The following ADGRL2 variants were observed in gnomAD, a reference collection of about 807,000 sequenced individuals.
ADGRL2 encodes adhesion G protein-coupled receptor L2.
In ADGRL2, 44 loss-of-function variants were observed where a neutral mutation model predicts 157.4. That is an observed-to-expected ratio of 0.28 (90% CI 0.22 to 0.36). The LOEUF is 0.36. Ranked by LOEUF, ADGRL2 falls within the 10% of genes least tolerant of loss-of-function variation. The pLI is 1.00. For missense variants in ADGRL2, 1,510 were observed against 1,768.9 expected, an observed-to-expected ratio of 0.85 and a Z score of 2.63; for synonymous variants, 585 against 624.7, an observed-to-expected ratio of 0.94 and a Z score of 0.95.
At chr1:81,644,979 G>A (rs2148817073) in intron 3 of ADGRL2, among the ~76,000 whole-genome samples, 1 of 152,254 alleles carries the variant, frequency 6.6e-6, no homozygotes, top group South Asian at 2.1e-4. Flanking sequence ...ATATGATGTA[G>A]TCCATTGATT....
chr1:81,637,188 T>C (rs552935287), intron 3 of ADGRL2, among the ~76,000 whole-genome samples: 3 of 152,220 alleles, frequency 2.0e-5, no homozygotes, highest in South Asian at 2.1e-4. Flanking sequence ...CCAAAAGGAA[T>C]AGGATGGTAT....
chr1:81,427,154 GGTTGCGGAGGAAA>G, intron 1 of ADGRL2: 1 of 1,121,908 alleles, frequency 8.9e-7, no homozygotes. Context: ...CAATTTTATG[GGTTGCGGAGGAAA>G]CTTTCGAGGT....
intron 2 of ADGRL2, among the ~76,000 whole-genome samples, chr1:81,569,309 A>G (rs2080633304): frequency 6.6e-6 from 1 of 152,230 alleles, no homozygotes; most frequent in African/African-American, 2.4e-5. Context: ...AATATACCCA[A>G]GGTCACACAT....
At chr1:81,800,180 T>C (rs1184102264), upstream of ADGRL2, among the ~76,000 whole-genome samples, 1 of 152,190 alleles carries the variant, frequency 6.6e-6, no homozygotes, top group African/African-American at 2.4e-5. Context: ...TTCCTTTGCT[T>C]ATCCTGGTGA....
In ADGRL2 at chr1:81,805,847, T is replaced by A. The variant is rs150435337; in HGVS notation, c.-101+4779T>A. The stretch of plus-strand genomic sequence containing the variant: ...AGAAAACAACATTATCCTTTACAGC[T>A]ATTAGTGATAATCTAAAAATTGTCT... On this transcript the variant is annotated intron_variant, in intron 1 of 23. Transcript: ENST00000686636. 3.1e-3 allele frequency among the ~76,000 whole-genome samples: 476 copies of A among 152,212 alleles called. 2 individuals carry two copies. Among genetic ancestry groups the A allele is most frequent in the African/African-American group, 0.011 (452 of 41,574 alleles).
At chr1:81,983,010 CATT>C (rs1186528880) in intron 19 of ADGRL2, among the ~76,000 whole-genome samples, 2 of 151,894 alleles carry the variant, frequency 1.3e-5, no homozygotes, top group African/African-American at 4.8e-5. Flanking sequence ...ACAGGGGTAA[CATT>C]AGTAATTACT....
intron 2 of ADGRL2, among the ~76,000 whole-genome samples, chr1:81,541,977 A>C (rs2079897012): frequency 1.3e-5 from 2 of 152,110 alleles, no homozygotes; most frequent in Admixed American, 6.5e-5. Flanking sequence ...AAAGAAAAGA[A>C]ATCTCTTTTC....
intron 3 of ADGRL2, among the ~76,000 whole-genome samples, chr1:81,619,455 A>G (rs889172039): frequency 2.6e-5 from 4 of 152,186 alleles, no homozygotes; most frequent in African/African-American, 7.2e-5. Context: ...AGGAAGGTCA[A>G]TTTAAGCCAC....
intron 1 of ADGRL2, among the ~76,000 whole-genome samples, chr1:81,351,524 A>G (rs982827973): frequency 6.6e-6 from 1 of 152,130 alleles, no homozygotes; most frequent in Admixed American, 6.5e-5. Flanking sequence ...AAGGTACTAA[A>G]CCAAATTGAA....
chr1:81,366,950 C>G (rs1314894630), intron 1 of ADGRL2, among the ~76,000 whole-genome samples: 1 of 152,170 alleles, frequency 6.6e-6, no homozygotes, highest in Non-Finnish European at 1.5e-5. Context: ...ACATACTTTC[C>G]TGAGATGATC....
intron 1 of ADGRL2, among the ~76,000 whole-genome samples, chr1:81,746,795 TTCTC>T (rs1286374394): frequency 4.0e-5 from 6 of 151,432 alleles, no homozygotes; most frequent in South Asian, 2.1e-4. Flanking sequence ...TTGGCCATTA[TTCTC>T]TCTGAGAATT....
At chr1:81,787,097 A>G (rs1225546926) in intron 2 of ADGRL2, among the ~76,000 whole-genome samples, 2 of 151,932 alleles carry the variant, frequency 1.3e-5, no homozygotes, top group South Asian at 2.1e-4. Flanking sequence ...TCTTGCCACC[A>G]CCATGTAAGA....
chr1:81,751,151 G>A (rs1272966714), intron 1 of ADGRL2, among the ~76,000 whole-genome samples: 1 of 152,074 alleles, frequency 6.6e-6, no homozygotes, highest in Non-Finnish European at 1.5e-5. Context: ...CCATATCTGG[G>A]ACAATTTGAA....
In ADGRL2 at chr1:81,951,890, C is replaced by G. The variant is rs913705461; in HGVS notation, c.1609-67C>G. On this transcript the variant is annotated intron_variant, in intron 8 of 23. Coordinates refer to ENST00000686636, the MANE Select transcript of ADGRL2 (RefSeq NM_001366006.2). ...TTTTTTTCACCACAATAAAGATACT[C>G]AAGGAGAACTAGAAGCTGTAAACAG... The G allele has an allele frequency of 4.6e-5, 59 of 1,274,280 alleles. No individual in the cohort carries two copies. The African/African-American group carries it at 8.5e-4, about 18-fold the overall frequency. The allele number at this position is 1,274,280 out of a possible 1,614,324, so 78.9% of individuals were successfully genotyped here. A position where few individuals can be genotyped will look rare whatever the true frequency, so the allele number is the denominator to read the frequency against.
At position 81,878,531 on chromosome 1, in the gene ADGRL2, T is replaced by G. The variant is rs145065620; in HGVS notation, c.74-28486T>G. On this transcript the variant is annotated intron_variant, in intron 2 of 23. Transcript: ENST00000686636. ...CCTGGATTTCTTTCATTTAATCGTC[T>G]TCTTCTTACTGCAAAGGAGGACATT... 2.1e-3 allele frequency among the ~76,000 whole-genome samples: 316 copies of G among 151,942 alleles called. 1 individual carries two copies. Among genetic ancestry groups the G allele is most frequent in the African/African-American group, 7.2e-3 (298 of 41,248 alleles).
At chr1:81,749,585 T>C (rs1232919297) in intron 1 of ADGRL2, among the ~76,000 whole-genome samples, 1 of 152,212 alleles carries the variant, frequency 6.6e-6, no homozygotes, top group African/African-American at 2.4e-5. Context: ...CTGGAATATA[T>C]TGATGTATTA....
intron 1 of ADGRL2, among the ~76,000 whole-genome samples, chr1:81,315,984 A>G (rs971823376): frequency 2.0e-5 from 3 of 152,102 alleles, no homozygotes; most frequent in African/African-American, 7.2e-5. Context: ...ACTGTAACAG[A>G]ACTCATATTT....
rs573617165 is a variant in ADGRL2, at chr1:81,812,029, G to A, written c.-101+10961G>A. 2.0e-5 allele frequency among the ~76,000 whole-genome samples: 3 copies of A among 151,796 alleles called. No homozygotes were observed. The East Asian group carries it at 5.8e-4, about 29-fold the overall frequency. Reference sequence around the variant, plus strand: ...CTCAAGTTGCCATCTTAACCAGGATGGAGGGCAAGAATAATCATGTTGAAC... The same window carrying A: ...CTCAAGTTGCCATCTTAACCAGGATAGAGGGCAAGAATAATCATGTTGAAC... On this transcript the variant is annotated intron_variant, in intron 1 of 23. Transcript: ENST00000686636.
Position 81,515,068 on chromosome 1 carries a change from A to G in ADGRL2, c.-247-65808A>G, listed in dbSNP as rs2079149487. 7 of 152,192 alleles carry G rather than the reference A, an allele frequency of 4.6e-5. No homozygotes were observed. In the South Asian group the frequency reaches 1.4e-3, roughly 32 times the overall value. The allele number at this position is 152,192 out of a possible 1,614,324, so 9.4% of individuals were successfully genotyped here. A position where few individuals can be genotyped will look rare whatever the true frequency, so the allele number is the denominator to read the frequency against. ...CAGCCTATATCTAATTTCTTCTTCC[A>G]TCCTTCAACAATCTCCGTTTAGATT... is the stretch of plus-strand genomic sequence containing the variant. On this transcript the variant is annotated intron_variant, in intron 2 of 24. Transcript: ENST00000370721.
Sources: allele counts gnomAD v4.1 joint callset (sites outside exome capture counted in the v4.1 genomes callset), GRCh38; gene constraint gnomAD v4.1.1; transcripts MANE v1.5; gene names NCBI Gene and HGNC (gene_info 2026-07-23, HGNC 2026-07-21).